Variants in RYR3 observed in about 807,000 individuals in gnomAD.
RYR3 encodes the protein brain ryanodine receptor-calcium release channel.
A neutral mutation model predicts 584.3 loss-of-function variants in RYR3; 207 were observed. The observed-to-expected ratio is 0.35, with a 90% CI of 0.32 to 0.40. The LOEUF is 0.40. Ranked by LOEUF, RYR3 falls within the 10% of genes least tolerant of loss-of-function variation. The pLI, the probability that RYR3 is intolerant of heterozygous loss-of-function variation, is 1.00. For synonymous variants in RYR3, 2,416 were observed against 2,248.5 expected (o/e 1.07, Z -2.11); for missense variants, 5,616 against 6,089.2 (o/e 0.92, Z 2.59).
chr15:33,796,118 TG>T (rs2075600929), intron 67 of RYR3, among the ~76,000 whole-genome samples: 1 of 151,936 alleles, frequency 6.6e-6, no homozygotes, highest in African/African-American at 2.4e-5. Context: ...TTTTTTGTTT[TG>T]TTTTGTTTTG....
chr15:33,773,014 A>T (rs1474876873), intron 63 of RYR3, among the ~76,000 whole-genome samples: 1 of 152,202 alleles, frequency 6.6e-6, no homozygotes, highest in African/African-American at 2.4e-5. Flanking sequence ...ATACTATTGA[A>T]TTGCCTTTTG....
chr15:33,624,164 C>T (rs773166143), intron 20 of RYR3, 141 bp downstream of exon 20: 11 of 660,404 alleles, frequency 1.7e-5, no homozygotes, highest in Non-Finnish European at 2.9e-5. Flanking sequence ...TTACTCCTCA[C>T]ATTTTCACCA....
At chr15:33,740,825 T>C (rs1424636279) in intron 51 of RYR3, among the ~76,000 whole-genome samples, 1 of 152,250 alleles carries the variant, frequency 6.6e-6, no homozygotes, top group Non-Finnish European at 1.5e-5. Context: ...ACTGTCTGCT[T>C]TGATCATGTG....
intron 43 of RYR3, among the ~76,000 whole-genome samples, chr15:33,720,981 C>A (rs961013030): frequency 3.3e-5 from 5 of 152,200 alleles, no homozygotes; most frequent in South Asian, 2.1e-4. Flanking sequence ...TCTATAAATT[C>A]TTTGATGCTC....
Position 33,533,400 on chromosome 15 carries a change from A to G in RYR3, c.433+11A>G. The G allele has an allele frequency of 6.3e-7, 1 of 1,590,260 alleles. No homozygotes were observed. Among genetic ancestry groups the G allele is most frequent in the Non-Finnish European group, 8.6e-7 (1 of 1,163,560 alleles). On this transcript the variant is annotated intron_variant, in intron 5 of 103. Coordinates refer to ENST00000634891, the MANE Select transcript of RYR3 (RefSeq NM_001036.6). ...GGGAACATGCCACAGGTGAGTCAGCATTCCCAGATCTCTTGAGCTCAGCGG... is the reference window on the plus strand; with the variant it reads ...GGGAACATGCCACAGGTGAGTCAGCGTTCCCAGATCTCTTGAGCTCAGCGG...
chr15:33,774,788 TG>T (rs1203154093), intron 64 of RYR3, among the ~76,000 whole-genome samples: 1 of 152,194 alleles, frequency 6.6e-6, no homozygotes, highest in Admixed American at 6.5e-5. Flanking sequence ...GGATAGGAAC[TG>T]GGCAGACAAA....
At chr15:33,346,279 C>G (rs923372210) in intron 1 of RYR3, among the ~76,000 whole-genome samples, 1 of 152,068 alleles carries the variant, frequency 6.6e-6, no homozygotes, top group Non-Finnish European at 1.5e-5. Flanking sequence ...ATGTATTGAA[C>G]GAAAATAGAT....
Position 33,750,194 on chromosome 15 carries a change from T to C in RYR3, c.8307T>C (p.Tyr2769=). ...GGGSHPLLVP[Y]DTLTAKEKFK... Reference sequence around the variant, plus strand: ...GCAGCCACCCTCTTCTGGTACCATATGACACCTTGACTGCCAAGGAAAAGT... The same window carrying C: ...GCAGCCACCCTCTTCTGGTACCATACGACACCTTGACTGCCAAGGAAAAGT... The change falls in exon 57 of 104, where the codon TAT becomes TAC. Residue 2769 remains tyrosine, a synonymous_variant. Transcript: ENST00000634891. 1 of 1,609,392 alleles carries C rather than the reference T, an allele frequency of 6.2e-7. No individual in the cohort carries two copies. The highest frequency in any genetic ancestry group is 1.1e-5 in the South Asian group (1 of 89,790).
At chr15:33,472,289 G>T (rs142098687) in intron 1 of RYR3, among the ~76,000 whole-genome samples, 2 of 152,278 alleles carry the variant, frequency 1.3e-5, no homozygotes, top group Admixed American at 6.5e-5. Flanking sequence ...GAATTGCTTC[G>T]CACTCTCACC....
chr15:33,838,401 G>C lies in RYR3; in HGVS notation c.12421G>C (p.Ala4141Pro). 1 of 1,614,026 alleles carries C rather than the reference G, an allele frequency of 6.2e-7. No individual in the cohort carries two copies. The highest frequency in any genetic ancestry group is 8.5e-7 in the Non-Finnish European group (1 of 1,179,902). Residue 4141 changes from alanine (A) to proline (P), a missense_variant, in exon 89 of 104, where the codon GCA becomes CCA. Around this residue, in one of 9 missense-constraint regions of RYR3, gnomAD observed 258 missense variants for 297.3 expected, o/e 0.87. Transcript: ENST00000634891. The stretch of plus-strand genomic sequence containing the variant: ...AGACGGGTCTCTTGAGCCGGCCTCT[G>C]CATTTGCTATGGCCTGTGCCTCTGT... Reference protein sequence around the residue: ...EEDGSLEPASAFAMACASVKR... With the variant: ...EEDGSLEPASPFAMACASVKR...
rs138405970 is a variant in RYR3 at position 33,724,377 on chromosome 15, C to T, written c.6912+201C>T. 7.2e-3 allele frequency among the ~76,000 whole-genome samples: 1,093 copies of T among 152,314 alleles called. 6 individuals carry two copies. The highest frequency in any genetic ancestry group is 0.01 in the Non-Finnish European group (706 of 68,032). On this transcript the variant is annotated intron_variant, in intron 45 of 103. Coordinates refer to ENST00000634891, the MANE Select transcript of RYR3 (RefSeq NM_001036.6). ...TCTAGGGAGGGACTCCCGGGCAGAT[C>T]CCTGTCTTGTGTGATTTCTCTGTGG...
intron 1 of RYR3, among the ~76,000 whole-genome samples, chr15:33,373,632 T>A (rs1413051348): frequency 6.6e-6 from 1 of 152,252 alleles, no homozygotes; most frequent in Non-Finnish European, 1.5e-5. Context: ...GTTTGTTTGT[T>A]TGTTTTGTCC....
chr15:33,429,630 A>C (rs1053303630), intron 1 of RYR3, among the ~76,000 whole-genome samples: 2 of 152,234 alleles, frequency 1.3e-5, no homozygotes, highest in African/African-American at 2.4e-5. Context: ...GAATGCATCC[A>C]CACCAACGGT....
At chr15:33,574,092 G>A (rs2058171610) in intron 12 of RYR3, among the ~76,000 whole-genome samples, 1 of 152,112 alleles carries the variant, frequency 6.6e-6, no homozygotes, top group South Asian at 2.1e-4. Flanking sequence ...AAGCATAAGA[G>A]GCTTAGTGGC....
intron 3 of RYR3, among the ~76,000 whole-genome samples, chr15:33,524,381 A>G (rs553194687): frequency 2.0e-5 from 3 of 152,356 alleles, no homozygotes; most frequent in East Asian, 1.9e-4. Context: ...AAAGCATAGA[A>G]CATCCTCAAG....
At chr15:33,789,693 G>T (rs1303528844) in intron 67 of RYR3, among the ~76,000 whole-genome samples, 6 of 16,786 alleles carry the variant, frequency 3.6e-4, no homozygotes, top group African/African-American at 1.5e-3. Flanking sequence ...TTTTTTTTTT[G>T]AGACGGAGTC....
chr15:33,773,370 A>T lies in RYR3; in HGVS notation c.9056-164A>T, dbSNP rs575748022. 2.6e-5 allele frequency among the ~76,000 whole-genome samples: 4 copies of T among 152,294 alleles called. No individual in the cohort carries two copies. In the East Asian group the frequency reaches 7.7e-4, roughly 29 times the overall value. ...ATATTTTTTTTTTCCTAGTCCAGCA[A>T]TTAGCAAACTGGCATCTGGGTAGAA... is the stretch of plus-strand genomic sequence containing the variant. On this transcript the variant is annotated intron_variant, in intron 63 of 103. Transcript: ENST00000634891.
chr15:33,549,649 T>C (rs1024149597), intron 9 of RYR3, among the ~76,000 whole-genome samples: 47 of 152,230 alleles, frequency 3.1e-4, no homozygotes, highest in African/African-American at 1.0e-3. Flanking sequence ...GAATTTATCC[T>C]TTTAACATAA....
chr15:33,752,492 A>G (rs1198167685), intron 57 of RYR3, among the ~76,000 whole-genome samples: 3 of 152,200 alleles, frequency 2.0e-5, no homozygotes, highest in East Asian at 1.9e-4. Flanking sequence ...CTTTGTAGCA[A>G]TTGTGAATGG....
Sources: gnomAD v4.1 joint callset for allele counts (sites outside exome capture counted in the v4.1 genomes callset) on GRCh38, gnomAD v4.1.1 for gene constraint, gnomAD v4.1.1 regional missense constraint, MANE v1.5 for transcripts, NCBI Gene and HGNC (gene_info 2026-07-23, HGNC 2026-07-21) for gene names.